GPC5: variants seen among roughly 807,000 people sequenced by gnomAD.
The protein encoded by GPC5 is glypican 5.
GPC5 carries 47 observed loss-of-function variants against 53.9 expected under a neutral mutation model. That is an observed-to-expected ratio of 0.87 (90% CI 0.69 to 1.11). GPC5 has a LOEUF of 1.11. Among genes scored for constraint, GPC5 ranks in the 50% most tolerant of loss-of-function variants. The probability of loss-of-function intolerance (pLI) is 0.00; values close to 1 mark genes in which losing one functional copy is unlikely to be tolerated. For missense variants in GPC5, 748 were observed against 713.1 expected (o/e 1.05, Z -0.56); for synonymous variants, 286 against 263.3 (o/e 1.09, Z -0.84).
intron 6 of GPC5, among the ~76,000 whole-genome samples, chr13:92,137,870 A>C (rs1402544845): frequency 6.6e-6 from 1 of 152,176 alleles, no homozygotes; most frequent in Admixed American, 6.5e-5. Context: ...TTGGGGTTTT[A>C]AGTTTTAAAA....
intron 7 of GPC5, among the ~76,000 whole-genome samples, chr13:92,606,329 C>T (rs987641586): frequency 6.6e-6 from 1 of 152,156 alleles, no homozygotes; most frequent in East Asian, 1.9e-4. Context: ...TGAGTGAGAC[C>T]ATGTGGTGTT....
At chr13:92,549,916 C>CAA (rs1184513508) in intron 7 of GPC5, among the ~76,000 whole-genome samples, 2 of 145,256 alleles carry the variant, frequency 1.4e-5, no homozygotes, top group Non-Finnish European at 3.0e-5. Context: ...CACACACACA[C>CAA]ACACAATTCT....
At chr13:92,171,414 C>T (rs1358039599) in intron 7 of GPC5, among the ~76,000 whole-genome samples, 2 of 152,108 alleles carry the variant, frequency 1.3e-5, no homozygotes, top group Non-Finnish European at 1.5e-5. Context: ...AATGTATAAT[C>T]TCCTCCACTG....
chr13:92,596,288 G>A (rs944900187), intron 7 of GPC5, among the ~76,000 whole-genome samples: 1 of 151,978 alleles, frequency 6.6e-6, no homozygotes, highest in Non-Finnish European at 1.5e-5. Context: ...ACGTTGCTAA[G>A]ATGTAAACAC....
intron 7 of GPC5, among the ~76,000 whole-genome samples, chr13:92,727,119 A>C (rs532676672): frequency 1.3e-5 from 2 of 151,586 alleles, no homozygotes; most frequent in African/African-American, 4.8e-5. Context: ...AATTTGTAAT[A>C]GCCATCATTA....
At chr13:92,472,142 G>A (rs561815588) in intron 7 of GPC5, among the ~76,000 whole-genome samples, 3 of 152,116 alleles carry the variant, frequency 2.0e-5, no homozygotes, top group East Asian at 1.9e-4. Context: ...GAAATGTTAG[G>A]CCCATAACTT....
intron 2 of GPC5, among the ~76,000 whole-genome samples, chr13:91,452,823 T>A (rs1314174175): frequency 6.6e-6 from 1 of 151,994 alleles, no homozygotes; most frequent in Non-Finnish European, 1.5e-5. Flanking sequence ...AAAAATAATA[T>A]TTTAGAGGAC....
intron 3 of GPC5, among the ~76,000 whole-genome samples, chr13:91,718,266 A>T (rs1007852229): frequency 6.6e-6 from 1 of 151,988 alleles, no homozygotes; most frequent in Non-Finnish European, 1.5e-5. Context: ...GTCTGCCACC[A>T]CGCGTGGCTA....
intron 7 of GPC5, among the ~76,000 whole-genome samples, chr13:92,800,312 C>T (rs938483514): frequency 4.6e-5 from 7 of 151,832 alleles, no homozygotes; most frequent in African/African-American, 1.7e-4. Context: ...TGGCCTCTCC[C>T]CTTCTCGAGA....
At position 92,357,179 on chromosome 13, in the gene GPC5, A is replaced by G. The variant is rs193297923; in HGVS notation, c.1561+212190A>G. Among the ~76,000 whole-genome samples, 330 of 151,860 alleles carry G rather than the reference A, an allele frequency of 2.2e-3. 1 individual carries two copies. The highest frequency in any genetic ancestry group is 3.5e-3 in the Admixed American group (53 of 15,292). On this transcript the variant is annotated intron_variant, in intron 7 of 7. Coordinates refer to ENST00000377067, the MANE Select transcript of GPC5 (RefSeq NM_004466.6). ...GTTAATAGTACTGCAAGGGACACAC[A>G]TGTGCATGTGTCTTTATGGCAGAAT...
intron 3 of GPC5, among the ~76,000 whole-genome samples, chr13:91,716,823 A>G (rs926063911): frequency 2.6e-5 from 4 of 152,222 alleles, no homozygotes; most frequent in Non-Finnish European, 5.9e-5. Context: ...CTAGGAAAGG[A>G]GCATTTAAAT....
intron 3 of GPC5, among the ~76,000 whole-genome samples, chr13:91,725,494 T>G (rs996019835): frequency 1.2e-4 from 19 of 152,164 alleles, no homozygotes; most frequent in East Asian, 5.8e-4. Flanking sequence ...TTCAATAAAG[T>G]ATGAAGTTAA....
intron 7 of GPC5, among the ~76,000 whole-genome samples, chr13:92,186,590 A>AT (rs11407510): frequency 0.064 from 9,736 of 152,174 alleles, 1,049 homozygotes; most frequent in African/African-American, 0.22. Context: ...CGGCAAAAAC[A>AT]TTAAGATATT....
At chr13:92,039,624 A>G (rs1218139498) in intron 6 of GPC5, among the ~76,000 whole-genome samples, 1 of 152,230 alleles carries the variant, frequency 6.6e-6, no homozygotes, top group Admixed American at 6.5e-5. Context: ...GGTCGCTTAA[A>G]TAATACAAAT....
chr13:91,808,540 T>C (rs1352801754), intron 5 of GPC5, among the ~76,000 whole-genome samples: 1 of 152,148 alleles, frequency 6.6e-6, no homozygotes, highest in East Asian at 1.9e-4. Context: ...TGGGTTGTTA[T>C]ACATAATTCA....
At chr13:92,706,677 G>A (rs1031636414) in intron 7 of GPC5, among the ~76,000 whole-genome samples, 2 of 151,988 alleles carry the variant, frequency 1.3e-5, no homozygotes, top group Non-Finnish European at 2.9e-5. Flanking sequence ...AGCCTCCCCT[G>A]GTAATGGAAC....
chr13:92,311,575 C>T (rs1041479815), intron 7 of GPC5, among the ~76,000 whole-genome samples: 1 of 152,146 alleles, frequency 6.6e-6, no homozygotes, highest in South Asian at 2.1e-4. Context: ...GGGGAGGCCT[C>T]ACAATCATAG....
At chr13:91,862,066 C>T (rs556901263) in intron 5 of GPC5, among the ~76,000 whole-genome samples, 16 of 152,048 alleles carry the variant, frequency 1.1e-4, no homozygotes, top group East Asian at 1.9e-4. Context: ...TTCCCTTCAA[C>T]GAAATTGAAC....
At chr13:92,833,307 TAAG>T (rs1878114208) in intron 7 of GPC5, among the ~76,000 whole-genome samples, 1 of 152,220 alleles carries the variant, frequency 6.6e-6, no homozygotes, top group East Asian at 1.9e-4. Context: ...CACAACCTCC[TAAG>T]AAGTTAAACA....
Sources: allele counts gnomAD v4.1 joint callset (sites outside exome capture counted in the v4.1 genomes callset), GRCh38; gene constraint gnomAD v4.1.1; transcripts MANE v1.5; gene names NCBI Gene and HGNC (gene_info 2026-07-23, HGNC 2026-07-21).